ZNF768: variants seen among roughly 807,000 people sequenced by gnomAD.
The protein encoded by ZNF768 is zinc finger protein 768.
Under a neutral mutation model 39.7 loss-of-function variants are expected in ZNF768, and 12 were observed. That is an observed-to-expected ratio of 0.30 (90% CI 0.19 to 0.49). ZNF768 has a LOEUF of 0.49. ZNF768 is among the 20% of genes least tolerant of loss of function. The pLI is 0.99. For missense variants in ZNF768, 613 were observed against 723.2 expected, an observed-to-expected ratio of 0.85 and a Z score of 1.75; for synonymous variants, 360 against 288.4, an observed-to-expected ratio of 1.25 and a Z score of -2.52.
rs2051300513 is a variant in ZNF768 at position 30,524,435 on chromosome 16, C to T, written c.*82G>A. The T allele has an allele frequency of 4.0e-6, 6 of 1,510,420 alleles. No homozygotes were observed. Among genetic ancestry groups the T allele is most frequent in the African/African-American group, 1.4e-5 (1 of 71,908 alleles). 93.6% of individuals were successfully genotyped at this position (1,510,420 alleles called of 1,614,324 possible). ...GCTCCTCCATTCTCCTGCGGCTTCT[C>T]CACTATCCTCCCTAAAGGTTCCTCT... On this transcript the variant is annotated 3_prime_UTR_variant, in exon 2 of 2. Transcript: ENST00000380412.
At position 30,526,069 on chromosome 16, in the gene ZNF768, C is replaced by T; in HGVS notation, c.89-18G>A. On this transcript the variant is annotated intron_variant, in intron 1 of 1. Coordinates refer to ENST00000380412, the MANE Select transcript of ZNF768 (RefSeq NM_024671.4). ...CATGTTGCCTGCAGGATGAGAGAAT[C>T]CAGATCGTGTGAGACCTGGAAGGTC... is the stretch of plus-strand genomic sequence containing the variant. 6.7e-7 allele frequency: 1 copy of T among 1,496,004 alleles called. No homozygotes were observed. The highest frequency in any genetic ancestry group is 8.9e-7 in the Non-Finnish European group (1 of 1,125,978). The allele number at this position is 1,496,004 out of a possible 1,614,324, so 92.7% of individuals were successfully genotyped here. A position where few individuals can be genotyped will look rare whatever the true frequency, so the allele number is the denominator to read the frequency against.
upstream of ZNF768, chr16:30,527,634 C>G (rs1418161199): frequency 6.6e-6 from 1 of 152,286 alleles, no homozygotes; most frequent in Non-Finnish European, 1.5e-5. Context: ...CCTGTGCCAT[C>G]AAAACTTTTC....
chr16:30,532,424 G>T, the ZNF768 span: 1 of 1,504,782 alleles, frequency 6.6e-7, no homozygotes. Flanking sequence ...CCTCCCTGCA[G>T]GCCGCTGCAG....
the ZNF768 span, chr16:30,532,132 G>A: frequency 3.5e-6 from 1 of 284,632 alleles, no homozygotes; most frequent in Middle Eastern, 1.2e-3. Context: ...TGGGCAACAA[G>A]AGCAAAACTC....
chr16:30,525,293 G>A lies in ZNF768; in HGVS notation c.847C>T (p.His283Tyr). The A allele has an allele frequency of 1.2e-6, 2 of 1,614,198 alleles. No homozygotes were observed. The highest frequency in any genetic ancestry group is 1.7e-6 in the Non-Finnish European group (2 of 1,180,022). Residue 283 changes from histidine to tyrosine, a missense_variant, in exon 2 of 2, where the codon CAC (histidine) becomes TAC (tyrosine). This residue lies in a region of ZNF768 where 40 missense variants were observed against 52.0 expected (regional missense o/e 0.77). Coordinates refer to ENST00000380412, the MANE Select transcript of ZNF768 (RefSeq NM_024671.4). ...CATTTGTAGGGCTTCTCACCGGTGT[G>A]GATGCGCTGGTGCTGGATCAGGGTG... Reference protein sequence around the residue: ...GSTLIQHQRIHTGEKPYKCEV... With the variant: ...GSTLIQHQRIYTGEKPYKCEV...
chr16:30,525,093 A>G lies in ZNF768; in HGVS notation c.1047T>C (p.His349=). 1 of 1,611,898 alleles carries G rather than the reference A, an allele frequency of 6.2e-7. No individual in the cohort carries two copies. Among genetic ancestry groups the G allele is most frequent in the Non-Finnish European group, 8.5e-7 (1 of 1,179,304 alleles). The change falls in exon 2 of 2, where the codon CAT becomes CAC. Residue 349 remains histidine, a synonymous_variant. Transcript: ENST00000380412. ...AGCTGTCGCCGAAGGCCTTGCCACA[A>G]TGTGGGCACTTGTAGGGCTTCTGGC... The part of the protein sequence containing the change: ...HSGQKPYKCP[H]CGKAFGDSSY...
chr16:30,526,932 G>A (rs1277193574), upstream of ZNF768: 14 of 985,624 alleles, frequency 1.4e-5, no homozygotes, highest in Non-Finnish European at 1.7e-5. Context: ...CCGGCCACGG[G>A]GTGGGTGAGG....
chr16:30,524,194 A>C lies in ZNF768; in HGVS notation c.*323T>G. The C allele has an allele frequency of 2.3e-5, 7 of 308,920 alleles. No individual in the cohort carries two copies. Among genetic ancestry groups the C allele is most frequent in the South Asian group, 4.8e-5 (1 of 20,960 alleles). The allele number at this position is 308,920 out of a possible 1,614,324, so 19.1% of individuals were successfully genotyped here. On this transcript the variant is annotated 3_prime_UTR_variant, in exon 2 of 2. Transcript: ENST00000380412. ...CTACCAATCTAAGCTAACCCACTCT[A>C]ATTAGGTAATCCCCTGCCCTCCCCC...
Position 30,524,489 on chromosome 16 carries a change from C to A in ZNF768, c.*28G>T. On this transcript the variant is annotated 3_prime_UTR_variant, in exon 2 of 2. Coordinates refer to ENST00000380412, the MANE Select transcript of ZNF768 (RefSeq NM_024671.4). ...TCCCTGGCCCCTTATCTTCTGCCCA[C>A]ACCTCCCACCCCTGCTGGGGCCCCA... 1 of 1,584,908 alleles carries A rather than the reference C, an allele frequency of 6.3e-7. No homozygotes were observed. The highest frequency in any genetic ancestry group is 8.5e-7 in the Non-Finnish European group (1 of 1,170,026).
At chr16:30,527,186 G>A (rs899462229), upstream of ZNF768, 2 of 985,236 alleles carry the variant, frequency 2.0e-6, no homozygotes, top group African/African-American at 1.7e-5. Flanking sequence ...GCAGCGCCTC[G>A]GGAACCGGGA....
the ZNF768 span, chr16:30,532,208 C>G: frequency 1.3e-5 from 7 of 534,330 alleles, no homozygotes; most frequent in African/African-American, 1.3e-4. Context: ...TTCTCTACCT[C>G]AATCCTCTTA....
chr16:30,526,517 C>A lies in ZNF768; in HGVS notation c.-104G>T. On this transcript the variant is annotated 5_prime_UTR_variant, in exon 1 of 2. Coordinates refer to ENST00000380412, the MANE Select transcript of ZNF768 (RefSeq NM_024671.4). ...GCCCCCGCCTCCCGCCCGCTCAGCG[C>A]CGCCCAGGGGACTCGGCGGCCCAGC... is the stretch of plus-strand genomic sequence containing the variant. The A allele has an allele frequency of 4.2e-6, 5 of 1,181,636 alleles. No individual in the cohort carries two copies. Among genetic ancestry groups the A allele is most frequent in the Non-Finnish European group, 5.2e-6 (5 of 954,370 alleles). 73.2% of individuals were successfully genotyped at this position (1,181,636 alleles called of 1,614,324 possible).
At position 30,525,786 on chromosome 16, in the gene ZNF768, G is replaced by T; in HGVS notation, c.354C>A (p.Ser118Arg). Residue 118 changes from serine (S) to arginine (R), a missense_variant, in exon 2 of 2, where the codon AGC becomes AGA. By Grantham distance (110) the Ser-to-Arg change is moderately radical. This residue lies in a region of ZNF768 where 347 missense variants were observed against 326.1 expected (regional missense o/e 1.06). Transcript: ENST00000380412. ...CAGGGCTTTGGGGTTCATACCTAGGGCTCTGGGATTCAAACTCAGGGCTCT... is the reference window on the plus strand; with the variant it reads ...CAGGGCTTTGGGGTTCATACCTAGGTCTCTGGGATTCAAACTCAGGGCTCT... ...DSQSPEFESQ[S>R]PRYEPQSPGY... 1 of 1,565,854 alleles carries T rather than the reference G, an allele frequency of 6.4e-7. No homozygotes were observed.
chr16:30,524,589 G>A lies in ZNF768; in HGVS notation c.1551C>T (p.Asp517=). The A allele has an allele frequency of 1.2e-6, 2 of 1,612,730 alleles. No individual in the cohort carries two copies. The highest frequency in any genetic ancestry group is 1.7e-6 in the Non-Finnish European group (2 of 1,179,910). ...AGCTCTGGGAGAAGGCCTTTCCGCA[G>A]TCATCGCACTTGTAAGGCCGCTCGC... ...HSGERPYKCD[D]CGKAFSQSSD... is the part of the protein sequence containing the mutation. The change falls in exon 2 of 2, where the codon GAC becomes GAT. Residue 517 remains aspartate (D), a synonymous_variant. Coordinates refer to ENST00000380412, the MANE Select transcript of ZNF768 (RefSeq NM_024671.4).
At chr16:30,527,881 C>A (rs1004211012), upstream of ZNF768, 1 of 152,200 alleles carries the variant, frequency 6.6e-6, no homozygotes, top group Non-Finnish European at 1.5e-5. Flanking sequence ...ACCATCTGGC[C>A]TTCGAGGCAT....
At chr16:30,530,020 G>A (rs1000868120), upstream of ZNF768, among the ~76,000 whole-genome samples, 4 of 151,958 alleles carry the variant, frequency 2.6e-5, no homozygotes, top group East Asian at 1.9e-4. The surrounding 1 kb of genome is among the most constrained non-coding windows in gnomAD (Gnocchi z 4.4). Flanking sequence ...TAGTAGAGAC[G>A]GGGTTTCACC....
chr16:30,524,152 A>C lies in ZNF768; in HGVS notation c.*365T>G. On this transcript the variant is annotated 3_prime_UTR_variant, in exon 2 of 2. Transcript: ENST00000380412. Reference sequence around the variant, plus strand: ...CCTACCTTTTACCCGCTCCTGACTCAACGAGAGTTTCAGCAGCTACCAATC... The same window carrying C: ...CCTACCTTTTACCCGCTCCTGACTCCACGAGAGTTTCAGCAGCTACCAATC... 1 of 219,472 alleles carries C rather than the reference A, an allele frequency of 4.6e-6. No homozygotes were observed. The highest frequency in any genetic ancestry group is 9.0e-6 in the Non-Finnish European group (1 of 111,370). The allele number at this position is 219,472 out of a possible 1,614,324, so 13.6% of individuals were successfully genotyped here. A position where few individuals can be genotyped will look rare whatever the true frequency, so the allele number is the denominator to read the frequency against.
In ZNF768 at chr16:30,524,760, G is replaced by T; in HGVS notation, c.1380C>A (p.Pro460=). The T allele has an allele frequency of 6.2e-7, 1 of 1,611,328 alleles. No homozygotes were observed. Among genetic ancestry groups the T allele is most frequent in the Non-Finnish European group, 8.5e-7 (1 of 1,179,250 alleles). ...THLPGRTYSC[P]DCGKTFNRSS... ...AGCGATTGAAGGTCTTGCCGCAGTC[G>T]GGGCAGCTGTAGGTGCGGCCTGGCA... The change falls in exon 2 of 2, where the codon CCC becomes CCA. Residue 460 remains proline (P), a synonymous_variant. Transcript: ENST00000380412.
upstream of ZNF768, chr16:30,526,844 C>A: frequency 1.0e-6 from 1 of 984,828 alleles, no homozygotes; most frequent in Non-Finnish European, 1.2e-6. Context: ...CCAGGTCCCC[C>A]CGCCGGCTCG....
Sources: allele counts gnomAD v4.1 joint callset (sites outside exome capture counted in the v4.1 genomes callset), GRCh38; gene constraint gnomAD v4.1.1; regional missense constraint gnomAD v4.1.1; non-coding constraint Gnocchi (gnomAD v3.1); transcripts MANE v1.5; gene names NCBI Gene and HGNC (gene_info 2026-07-23, HGNC 2026-07-21).